Variants in NLGN1 observed in about 807,000 individuals in gnomAD.
NLGN1 encodes the protein neuroligin-1.
In NLGN1, 12 loss-of-function variants were observed where a neutral mutation model predicts 65.5. The observed-to-expected ratio is 0.18, with a 90% CI of 0.12 to 0.30. The LOEUF is 0.30. Ranked by LOEUF, NLGN1 falls within the 10% of genes least tolerant of loss-of-function variation. The pLI, the probability that NLGN1 is intolerant of heterozygous loss-of-function variation, is 1.00. For synonymous variants in NLGN1, 350 were observed against 359.5 expected (o/e 0.97, Z 0.30); for missense variants, 750 against 1,007.1 (o/e 0.74, Z 3.46).
chr3:174,226,655 T>G (rs1435289692), intron 4 of NLGN1, among the ~76,000 whole-genome samples: 1 of 152,162 alleles, frequency 6.6e-6, no homozygotes, highest in East Asian at 1.9e-4. Context: ...CCTCTACTTT[T>G]TAAGTATTTT....
At chr3:173,820,184 A>C (rs59203632) in intron 4 of NLGN1, among the ~76,000 whole-genome samples, 1 of 130,480 alleles carries the variant, frequency 7.7e-6, no homozygotes, top group East Asian at 2.0e-4. Flanking sequence ...GTCTCGAAAA[A>C]AAAAAAAAAA....
At chr3:173,568,929 C>T (rs760678481) in intron 2 of NLGN1, among the ~76,000 whole-genome samples, 15 of 152,140 alleles carry the variant, frequency 9.9e-5, no homozygotes, top group East Asian at 5.8e-4. Context: ...CCACCGGGCT[C>T]GGCCTCCCAA....
At chr3:173,449,282 C>G (rs1721015879) in intron 2 of NLGN1, among the ~76,000 whole-genome samples, 1 of 152,134 alleles carries the variant, frequency 6.6e-6, no homozygotes, top group Non-Finnish European at 1.5e-5. Flanking sequence ...TCGTTGGTTT[C>G]AAAGAACATC....
At chr3:174,041,980 G>A (rs1041862198) in intron 4 of NLGN1, among the ~76,000 whole-genome samples, 1 of 152,006 alleles carries the variant, frequency 6.6e-6, no homozygotes, top group South Asian at 2.1e-4. Context: ...CTTGAACCTG[G>A]GAGGTAGAGG....
At chr3:173,484,712 G>A (rs1727877171) in intron 2 of NLGN1, among the ~76,000 whole-genome samples, 2 of 152,126 alleles carry the variant, frequency 1.3e-5, no homozygotes, top group South Asian at 4.1e-4. Flanking sequence ...AAAGCGTATT[G>A]CTGATCGTAT....
chr3:173,699,922 C>T (rs1011711813), intron 3 of NLGN1, among the ~76,000 whole-genome samples: 3 of 152,210 alleles, frequency 2.0e-5, no homozygotes, highest in Non-Finnish European at 2.9e-5. Flanking sequence ...TTTCTGGTCA[C>T]AGAGGTACTA....
intron 4 of NLGN1, among the ~76,000 whole-genome samples, chr3:173,904,307 C>T (rs1322318782): frequency 1.3e-5 from 2 of 152,048 alleles, no homozygotes; most frequent in Admixed American, 6.6e-5. Flanking sequence ...AAAAATTACT[C>T]TTGGGCTAGT....
At chr3:174,235,692 C>T (rs993358876) in intron 4 of NLGN1, among the ~76,000 whole-genome samples, 1 of 152,056 alleles carries the variant, frequency 6.6e-6, no homozygotes, top group African/African-American at 2.4e-5. Context: ...TTGCACTTTC[C>T]TTTTAAAAAT....
At chr3:173,781,778 C>CAATATATGTTGATGTGTTTTGA (rs1781201971) in intron 3 of NLGN1, among the ~76,000 whole-genome samples, 1 of 152,090 alleles carries the variant, frequency 6.6e-6, no homozygotes, top group Non-Finnish European at 1.5e-5. Context: ...TCCACTGAAG[C>CAATATATGTTGATGTGTTTTGA]AATATATGTT....
At chr3:173,646,303 A>G (rs1034054808) in intron 3 of NLGN1, among the ~76,000 whole-genome samples, 1 of 152,224 alleles carries the variant, frequency 6.6e-6, no homozygotes, top group East Asian at 1.9e-4. Flanking sequence ...AATCACCAGT[A>G]GAAAGTAGGA....
At chr3:174,221,603 A>AT (rs34735507) in intron 4 of NLGN1, among the ~76,000 whole-genome samples, 91,195 of 149,254 alleles carry the variant, frequency 0.61, 29,498 homozygotes, top group East Asian at 0.8. Context: ...ACATACATTA[A>AT]TTTTTTTTTT....
At chr3:173,559,457 C>T (rs996712457) in intron 2 of NLGN1, among the ~76,000 whole-genome samples, 7 of 152,176 alleles carry the variant, frequency 4.6e-5, no homozygotes, top group Non-Finnish European at 1.0e-4. Flanking sequence ...TCATGGCTCA[C>T]CTATTGAATG....
In NLGN1 at chr3:173,605,644, GA is replaced by G. The variant is rs1463478643; in HGVS notation, c.493+555del. 9.1e-6 allele frequency: 8 copies of G among 874,676 alleles called. No homozygotes were observed. The East Asian group carries it at 4.9e-4, about 54-fold the overall frequency. The allele number at this position is 874,676 out of a possible 1,614,324, so 54.2% of individuals were successfully genotyped here. A position where few individuals can be genotyped will look rare whatever the true frequency, so the allele number is the denominator to read the frequency against. ...ATGGGGGAAAAAGCTTGCAGAGGAA[GA>G]ACAAGATACTCTCCCTAAGGATGAT... On this transcript the variant is annotated intron_variant, in intron 3 of 6. Coordinates refer to ENST00000457714, the Ensembl canonical transcript of NLGN1.
At chr3:174,142,791 A>G (rs1722547412) in intron 4 of NLGN1, among the ~76,000 whole-genome samples, 1 of 152,236 alleles carries the variant, frequency 6.6e-6, no homozygotes, top group South Asian at 2.1e-4. Context: ...AGACATATGC[A>G]TTTATATTAT....
chr3:174,005,048 A>T (rs1002994943), intron 4 of NLGN1, among the ~76,000 whole-genome samples: 1 of 152,196 alleles, frequency 6.6e-6, no homozygotes, highest in African/African-American at 2.4e-5. Context: ...TAATGAAAAT[A>T]AAATGAAGAT....
At chr3:173,766,807 C>A (rs533004691) in intron 3 of NLGN1, among the ~76,000 whole-genome samples, 2 of 152,148 alleles carry the variant, frequency 1.3e-5, no homozygotes, top group Middle Eastern at 3.4e-3. Flanking sequence ...TATAAGAATA[C>A]GTTTTTAAAT....
At chr3:173,422,511 T>C (rs1487600854) in intron 1 of NLGN1, among the ~76,000 whole-genome samples, 12 of 152,210 alleles carry the variant, frequency 7.9e-5, no homozygotes, top group Non-Finnish European at 5.9e-5. Flanking sequence ...CCAGGTCATA[T>C]GGTATTTTTA....
At chr3:173,526,518 T>C (rs1277164341) in intron 2 of NLGN1, among the ~76,000 whole-genome samples, 2 of 152,178 alleles carry the variant, frequency 1.3e-5, no homozygotes, top group Non-Finnish European at 2.9e-5. Context: ...ATGAGATATT[T>C]TGATATAGGC....
intron 3 of NLGN1, among the ~76,000 whole-genome samples, chr3:173,794,133 T>A (rs2150376954): frequency 6.6e-6 from 1 of 152,200 alleles, no homozygotes; most frequent in Non-Finnish European, 1.5e-5. Flanking sequence ...CTGCCTGGTG[T>A]TTACTCATCT....
Sources: allele counts gnomAD v4.1 joint callset (sites outside exome capture counted in the v4.1 genomes callset), GRCh38; gene constraint gnomAD v4.1.1; transcripts MANE v1.5; gene names NCBI Gene and HGNC (gene_info 2026-07-23, HGNC 2026-07-21).